ALK: variants seen among roughly 807,000 people sequenced by gnomAD.
ALK encodes the protein ALK tyrosine kinase receptor.
ALK carries 74 observed loss-of-function variants against 163.1 expected under a neutral mutation model. The ratio of observed to expected loss-of-function variants is 0.45; its 90% CI spans 0.38 to 0.55. The LOEUF (loss-of-function observed/expected upper bound fraction) is 0.55, where lower values mean the gene tolerates loss of function less well. ALK is among the 20% of genes least tolerant of loss of function. The pLI is 0.00. For missense variants in ALK, 2,063 were observed against 2,105.3 expected (o/e 0.98, Z 0.39); for synonymous variants, 960 against 843.2 (o/e 1.14, Z -2.40).
At chr2:29,403,709 C>CAAAGAAAAAA (rs1669506547) in intron 4 of ALK, among the ~76,000 whole-genome samples, 1 of 74,184 alleles carries the variant, frequency 1.3e-5, no homozygotes. Context: ...CAGGTCTCTA[C>CAAAGAAAAAA]AAAAAAAAAA....
chr2:29,730,585 T>C (rs564068931), intron 1 of ALK, among the ~76,000 whole-genome samples: 4 of 152,176 alleles, frequency 2.6e-5, no homozygotes, highest in East Asian at 1.9e-4. Flanking sequence ...TTTAATAAGA[T>C]AAGAAAAACA....
chr2:29,654,589 G>A (rs567233125), intron 3 of ALK, among the ~76,000 whole-genome samples: 1 of 152,250 alleles, frequency 6.6e-6, no homozygotes, highest in African/African-American at 2.4e-5. Flanking sequence ...AGAGAAAAGT[G>A]ATGTTATGAG....
intron 1 of ALK, among the ~76,000 whole-genome samples, chr2:29,894,126 T>C (rs548265909): frequency 5.9e-5 from 9 of 152,234 alleles, no homozygotes; most frequent in South Asian, 4.2e-4. Context: ...TTTCTTATAA[T>C]AGAAAATGAT....
intron 2 of ALK, among the ~76,000 whole-genome samples, chr2:29,714,712 C>T (rs2148304858): frequency 6.6e-6 from 1 of 152,324 alleles, no homozygotes; most frequent in East Asian, 1.9e-4. Context: ...TCCCTTCAGG[C>T]AGCAATTTTC....
intron 1 of ALK, among the ~76,000 whole-genome samples, chr2:29,769,939 C>T (rs376033554): frequency 6.6e-6 from 1 of 152,208 alleles, no homozygotes; most frequent in Non-Finnish European, 1.5e-5. Context: ...TTTCCCAGAA[C>T]TCCTAAAAAG....
At chr2:29,695,953 T>C (rs1678546476) in intron 2 of ALK, among the ~76,000 whole-genome samples, 1 of 152,206 alleles carries the variant, frequency 6.6e-6, no homozygotes, top group African/African-American at 2.4e-5. Context: ...GAAGACAGGG[T>C]GGCGATTCCT....
chr2:29,448,627 T>G (rs1670746494), intron 4 of ALK, among the ~76,000 whole-genome samples: 1 of 152,132 alleles, frequency 6.6e-6, no homozygotes, highest in Non-Finnish European at 1.5e-5. Flanking sequence ...CCACTATAAG[T>G]CAATCCACCG....
intron 26 of ALK, among the ~76,000 whole-genome samples, chr2:29,204,119 C>G (rs1281486422): frequency 9.2e-5 from 14 of 152,052 alleles, no homozygotes; most frequent in Admixed American, 9.2e-4. Flanking sequence ...TTTCTTAGAA[C>G]AGTTCAAACT....
At chr2:29,219,438 G>A (rs1669725175) in intron 23 of ALK, among the ~76,000 whole-genome samples, 1 of 152,230 alleles carries the variant, frequency 6.6e-6, no homozygotes. Context: ...TTTGAGCAGT[G>A]TGGTCAGGTT....
At chr2:29,762,597 T>C (rs1465951407) in intron 1 of ALK, among the ~76,000 whole-genome samples, 1 of 152,172 alleles carries the variant, frequency 6.6e-6, no homozygotes, top group African/African-American at 2.4e-5. Context: ...CAGTTATGGC[T>C]GAAGTGAAGT....
chr2:29,627,231 T>C (rs906199403), intron 3 of ALK, among the ~76,000 whole-genome samples: 4 of 152,156 alleles, frequency 2.6e-5, no homozygotes, highest in African/African-American at 7.2e-5. Context: ...CTTGTCCAAT[T>C]AAAACAGAAA....
intron 3 of ALK, among the ~76,000 whole-genome samples, chr2:29,538,858 C>A (rs771680829): frequency 6.6e-6 from 1 of 152,084 alleles, no homozygotes; most frequent in African/African-American, 2.4e-5. Context: ...ATAACAATAT[C>A]TCTTTCATAA....
chr2:29,625,515 A>G (rs529462653), intron 3 of ALK, among the ~76,000 whole-genome samples: 2 of 152,194 alleles, frequency 1.3e-5, no homozygotes, highest in South Asian at 4.1e-4. Flanking sequence ...AAATCAGAAA[A>G]CTGATAACTA....
chr2:29,744,121 G>A (rs1487995576), intron 1 of ALK, among the ~76,000 whole-genome samples: 1 of 152,052 alleles, frequency 6.6e-6, no homozygotes, highest in Non-Finnish European at 1.5e-5. Context: ...CATGACCTTG[G>A]GACTAGCAGA....
At chr2:29,387,441 A>C (rs1335968472) in intron 4 of ALK, among the ~76,000 whole-genome samples, 1 of 152,186 alleles carries the variant, frequency 6.6e-6, no homozygotes, top group Admixed American at 6.5e-5. Context: ...GCTTGTGAAT[A>C]TCAAGGTCCA....
chr2:29,669,031 C>A (rs1677603163), intron 3 of ALK, among the ~76,000 whole-genome samples: 1 of 151,974 alleles, frequency 6.6e-6, no homozygotes, highest in Non-Finnish European at 1.5e-5. Flanking sequence ...AGCTACAATT[C>A]AAGATGAGAT....
intron 3 of ALK, among the ~76,000 whole-genome samples, chr2:29,648,553 G>C (rs1460035705): frequency 6.6e-6 from 1 of 151,962 alleles, no homozygotes; most frequent in Admixed American, 6.6e-5. Context: ...TCTACTGTCT[G>C]TCTCTGTGAA....
At chr2:29,775,556 A>T (rs545699536) in intron 1 of ALK, among the ~76,000 whole-genome samples, 2 of 152,158 alleles carry the variant, frequency 1.3e-5, no homozygotes, top group South Asian at 4.2e-4. Context: ...AAAAACAAAA[A>T]CAAAAGCAGA....
At chr2:29,411,778 G>T (rs549514474) in intron 4 of ALK, among the ~76,000 whole-genome samples, 1 of 152,280 alleles carries the variant, frequency 6.6e-6, no homozygotes, top group South Asian at 2.1e-4. Flanking sequence ...ACCTCTAGGA[G>T]CTCCTCAATG....
Sources: allele counts gnomAD v4.1 joint callset (sites outside exome capture counted in the v4.1 genomes callset), GRCh38; gene constraint gnomAD v4.1.1; transcripts MANE v1.5; gene names NCBI Gene and HGNC (gene_info 2026-07-23, HGNC 2026-07-21).